PTPRN2: variants seen among roughly 807,000 people sequenced by gnomAD.
PTPRN2 encodes receptor-type tyrosine-protein phosphatase N2.
PTPRN2 carries 74 observed loss-of-function variants against 118.8 expected under a neutral mutation model. That is an observed-to-expected ratio of 0.62 (90% CI 0.52 to 0.76). The LOEUF (loss-of-function observed/expected upper bound fraction) is 0.76, where lower values mean the gene tolerates loss of function less well. Ranked by LOEUF, PTPRN2 falls within the 30% of genes least tolerant of loss-of-function variation. The probability of loss-of-function intolerance (pLI) is 0.00; values close to 1 mark genes in which losing one functional copy is unlikely to be tolerated. For synonymous variants in PTPRN2, 641 were observed against 608.0 expected (o/e 1.05, Z -0.80); for missense variants, 1,481 against 1,394.4 (o/e 1.06, Z -0.99).
intron 3 of PTPRN2, among the ~76,000 whole-genome samples, chr7:158,208,712 A>G (rs1027499922): frequency 6.6e-6 from 1 of 152,232 alleles, no homozygotes; most frequent in African/African-American, 2.4e-5. Context: ...ATCTAAAGGT[A>G]CAAAACTCAC....
At chr7:157,928,153 G>A in intron 11 of PTPRN2, among the ~76,000 whole-genome samples, 1 of 152,336 alleles carries the variant, frequency 6.6e-6, no homozygotes, top group East Asian at 1.9e-4. Context: ...GAAGGAAGGT[G>A]CAGATGAGGA....
intron 3 of PTPRN2, among the ~76,000 whole-genome samples, chr7:158,246,512 A>C (rs973170223): frequency 6.6e-6 from 1 of 151,018 alleles, no homozygotes; most frequent in African/African-American, 2.4e-5. Flanking sequence ...GACGATAAGA[A>C]AATGTGAGCG....
At chr7:158,191,869 C>T (rs770381630) in intron 5 of PTPRN2, among the ~76,000 whole-genome samples, 6 of 152,184 alleles carry the variant, frequency 3.9e-5, no homozygotes, top group Middle Eastern at 3.4e-3. Context: ...GCAGGCTTGC[C>T]GGGGAGCAGG....
chr7:158,151,514 T>TGCCTCTCCCTGACCA (rs1563522262), intron 6 of PTPRN2, among the ~76,000 whole-genome samples: 1 of 146,076 alleles, frequency 6.8e-6, no homozygotes, highest in African/African-American at 2.5e-5. Flanking sequence ...TTTCTGCTCC[T>TGCCTCTCCCTGACCA]CACCGCACGT....
intron 2 of PTPRN2, among the ~76,000 whole-genome samples, chr7:158,340,469 C>A (rs1221178634): frequency 1.8e-5 from 2 of 113,834 alleles, no homozygotes; most frequent in East Asian, 2.8e-4. Context: ...TCACTCACAT[C>A]CACACTCTCA....
intron 3 of PTPRN2, among the ~76,000 whole-genome samples, chr7:158,265,419 CACACACCTG>C: frequency 6.6e-6 from 1 of 151,952 alleles, no homozygotes; most frequent in African/African-American, 2.4e-5. Context: ...CACCTGTGGG[CACACACCTG>C]TGGGCACACC....
At chr7:158,171,861 G>A (rs1042042014) in intron 5 of PTPRN2, among the ~76,000 whole-genome samples, 4 of 152,130 alleles carry the variant, frequency 2.6e-5, no homozygotes, top group African/African-American at 7.2e-5. Context: ...TTTTAAGACC[G>A]TAGCTGCCCA....
chr7:158,563,960 AAC>A lies in PTPRN2; in HGVS notation c.112+23596_112+23597del, dbSNP rs1324267489. On this transcript the variant is annotated intron_variant, in intron 1 of 22. Coordinates refer to ENST00000389418, the MANE Select transcript of PTPRN2 (RefSeq NM_002847.5). This position sits in a 1 kb window ranked among gnomAD's most constrained non-coding sequence, Gnocchi z 5.1. ...GCCACAGTGCCTGGGATGTCTACGA[AAC>A]ACACATCATGACAGCTCCTGCATCA... Among the ~76,000 whole-genome samples, 1 of 152,222 alleles carries A rather than the reference AAC, an allele frequency of 6.6e-6. No homozygotes were observed. Among genetic ancestry groups the A allele is most frequent in the African/African-American group, 2.4e-5 (1 of 41,460 alleles).
chr7:158,474,952 G>A (rs910448105), intron 2 of PTPRN2, among the ~76,000 whole-genome samples: 12 of 152,202 alleles, frequency 7.9e-5, no homozygotes, highest in African/African-American at 2.9e-4. Context: ...GATGCAAACT[G>A]GCATTTGCGC....
At chr7:158,534,957 G>C (rs1394689314) in intron 1 of PTPRN2, among the ~76,000 whole-genome samples, 1 of 152,176 alleles carries the variant, frequency 6.6e-6, no homozygotes, top group African/African-American at 2.4e-5. Context: ...AGGCGTTTCA[G>C]TGTTCCCCAG....
chr7:158,263,272 C>T lies in PTPRN2; in HGVS notation c.277+53547G>A, dbSNP rs569688032. Among the ~76,000 whole-genome samples the T allele has an allele frequency of 9.2e-5, 14 of 152,334 alleles. No individual in the cohort carries two copies. The South Asian group carries it at 1.7e-3, about 18-fold the overall frequency. ...TTTACACACTTGTGCATGCACTGCA[C>T]GTGTTGCACTCACAGTCACATGTGC... On this transcript the variant is annotated intron_variant, in intron 3 of 22. Transcript: ENST00000389418.
intron 5 of PTPRN2, among the ~76,000 whole-genome samples, chr7:158,191,140 T>C (rs1585797120): frequency 6.6e-6 from 1 of 152,348 alleles, no homozygotes; most frequent in Non-Finnish European, 1.5e-5. Flanking sequence ...GGGAGGACTC[T>C]ACCTTTCGAG....
At chr7:158,365,344 A>G (rs1300395439) in intron 2 of PTPRN2, among the ~76,000 whole-genome samples, 1 of 152,096 alleles carries the variant, frequency 6.6e-6, no homozygotes, top group African/African-American at 2.4e-5. Flanking sequence ...TGCTCCTCAC[A>G]ACCAACGAGG....
chr7:158,319,088 T>C (rs1286449627), intron 2 of PTPRN2, among the ~76,000 whole-genome samples: 1 of 152,270 alleles, frequency 6.6e-6, no homozygotes, highest in East Asian at 1.9e-4. Flanking sequence ...TTTAAAATTA[T>C]ATTAGACTTT....
intron 6 of PTPRN2, among the ~76,000 whole-genome samples, chr7:158,149,324 A>G (rs138694288): frequency 1.8e-4 from 27 of 152,306 alleles, no homozygotes; most frequent in African/African-American, 5.8e-4. Flanking sequence ...ATCACTGCCT[A>G]TATTTAACCC....
At chr7:157,568,989 G>GA in intron 20 of PTPRN2, 23 bp from the exon 21 acceptor site, 1 of 1,539,092 alleles carries the variant, frequency 6.5e-7, no homozygotes, top group Non-Finnish European at 9.0e-7. Flanking sequence ...GGAGAGAAAT[G>GA]AAAGTGCTGC....
At chr7:157,934,170 A>C (rs1307631338) in intron 11 of PTPRN2, among the ~76,000 whole-genome samples, 1 of 152,176 alleles carries the variant, frequency 6.6e-6, no homozygotes, top group East Asian at 1.9e-4. Flanking sequence ...ATCACTTGTT[A>C]AGCGCTGCCT....
chr7:158,462,960 G>T (rs1398884047), intron 2 of PTPRN2, among the ~76,000 whole-genome samples: 2 of 39,768 alleles, frequency 5.0e-5, no homozygotes, highest in African/African-American at 2.1e-4. Flanking sequence ...ACGAATAACT[G>T]GTTCTATTCC....
intron 1 of PTPRN2, among the ~76,000 whole-genome samples, chr7:158,524,628 C>G (rs956150883): frequency 1.3e-5 from 2 of 152,076 alleles, no homozygotes; most frequent in African/African-American, 4.8e-5. Context: ...CCCCAGAACT[C>G]GTAGATGGAT....
Sources: gnomAD v4.1 joint callset for allele counts (sites outside exome capture counted in the v4.1 genomes callset) on GRCh38, gnomAD v4.1.1 for gene constraint, Gnocchi (gnomAD v3.1) non-coding constraint, MANE v1.5 for transcripts, NCBI Gene and HGNC (gene_info 2026-07-23, HGNC 2026-07-21) for gene names.